The following GPR149 variants were observed in gnomAD, a reference collection of about 807,000 sequenced individuals.
GPR149 encodes the protein G protein-coupled receptor 149.
In GPR149, 50 loss-of-function variants were observed where a neutral mutation model predicts 50.2. That is an observed-to-expected ratio of 1.00 (90% CI 0.79 to 1.26). The LOEUF (loss-of-function observed/expected upper bound fraction) is 1.26. GPR149 is among the 50% of genes most tolerant of loss of function. The pLI, the probability that GPR149 is intolerant of heterozygous loss-of-function variation, is 0.00. For missense variants in GPR149, 983 were observed against 895.4 expected (o/e 1.10, Z -1.25); for synonymous variants, 405 against 358.2 (o/e 1.13, Z -1.48).
At chr3:154,408,222 G>T (rs1401138356) in intron 3 of GPR149, among the ~76,000 whole-genome samples, 2 of 152,210 alleles carry the variant, frequency 1.3e-5, no homozygotes, top group South Asian at 2.1e-4. Context: ...GGACTAGCTT[G>T]CAGCTCCCAC....
chr3:154,357,998 T>G (rs889907163), intron 3 of GPR149, among the ~76,000 whole-genome samples: 21 of 151,992 alleles, frequency 1.4e-4, no homozygotes, highest in South Asian at 2.1e-4. Context: ...TAGGGACATG[T>G]ATGAAGCTGG....
chr3:154,408,875 G>A (rs1474826565), intron 3 of GPR149, among the ~76,000 whole-genome samples: 1 of 152,230 alleles, frequency 6.6e-6, no homozygotes, highest in Non-Finnish European at 1.5e-5. Flanking sequence ...TAGGGCTGCA[G>A]CTGATGCACT....
At chr3:154,411,613 T>G (rs1013520022) in intron 3 of GPR149, among the ~76,000 whole-genome samples, 1 of 152,112 alleles carries the variant, frequency 6.6e-6, no homozygotes, top group African/African-American at 2.4e-5. Context: ...GATGAATAAA[T>G]TCCCTGAATT....
intron 3 of GPR149, among the ~76,000 whole-genome samples, chr3:154,386,514 G>T (rs1715047768): frequency 6.6e-6 from 1 of 152,144 alleles, no homozygotes; most frequent in Non-Finnish European, 1.5e-5. Flanking sequence ...AAAAACAGAA[G>T]ATCAGAGTTT....
At chr3:154,339,779 CTTTTTTT>C (rs71152802) in intron 3 of GPR149, among the ~76,000 whole-genome samples, 5 of 68,302 alleles carry the variant, frequency 7.3e-5, no homozygotes, top group Non-Finnish European at 1.2e-4. Context: ...TGCTCTACTT[CTTTTTTT>C]TTTTTTTTTT....
chr3:154,359,656 A>G (rs1714334847), intron 3 of GPR149, among the ~76,000 whole-genome samples: 1 of 152,198 alleles, frequency 6.6e-6, no homozygotes, highest in Admixed American at 6.5e-5. Context: ...TGGTTTCTCA[A>G]GCTGACTGAG....
At chr3:154,347,009 CCTT>C (rs748044661) in intron 3 of GPR149, among the ~76,000 whole-genome samples, 1 of 152,150 alleles carries the variant, frequency 6.6e-6, no homozygotes, top group Non-Finnish European at 1.5e-5. Flanking sequence ...CTTGTATCAA[CCTT>C]CTTCCTAAGC....
intron 3 of GPR149, among the ~76,000 whole-genome samples, chr3:154,364,957 G>A (rs1234962839): frequency 6.6e-6 from 1 of 152,142 alleles, no homozygotes; most frequent in Non-Finnish European, 1.5e-5. Context: ...GACCTGCTAG[G>A]CATTGCCCTG....
intron 3 of GPR149, among the ~76,000 whole-genome samples, chr3:154,414,422 C>T (rs186600869): frequency 5.9e-5 from 9 of 151,888 alleles, no homozygotes; most frequent in Admixed American, 5.9e-4. Flanking sequence ...AAAGAAGAAT[C>T]GTAGAAATAG....
chr3:154,428,017 A>G (rs1315056522), intron 1 of GPR149, among the ~76,000 whole-genome samples: 1 of 152,188 alleles, frequency 6.6e-6, no homozygotes. Flanking sequence ...GCGTCCGTGA[A>G]ACCCGCATCT....
At chr3:154,352,012 A>G (rs1464851042) in intron 3 of GPR149, 1 of 313,668 alleles carries the variant, frequency 3.2e-6, no homozygotes, top group East Asian at 5.4e-5. Context: ...TAAAAAAAAT[A>G]CGACCAACTT....
intron 3 of GPR149, among the ~76,000 whole-genome samples, chr3:154,416,975 A>G (rs1457986662): frequency 6.6e-6 from 1 of 151,966 alleles, no homozygotes; most frequent in Non-Finnish European, 1.5e-5. Flanking sequence ...CAAAACATTA[A>G]AAGGAAAGAA....
intron 2 of GPR149, among the ~76,000 whole-genome samples, chr3:154,421,768 T>G (rs2108429940): frequency 6.6e-6 from 1 of 151,978 alleles, no homozygotes; most frequent in Middle Eastern, 3.4e-3. Flanking sequence ...TAACAAAAAC[T>G]TAGCCATACA....
At chr3:154,348,475 A>G (rs1713985974) in intron 3 of GPR149, among the ~76,000 whole-genome samples, 4 of 152,150 alleles carry the variant, frequency 2.6e-5, no homozygotes, top group Admixed American at 2.6e-4. Context: ...CACATAAAAT[A>G]GATTTCAGAC....
chr3:154,416,565 A>T (rs554579143), intron 3 of GPR149, among the ~76,000 whole-genome samples: 1 of 151,866 alleles, frequency 6.6e-6, no homozygotes, highest in Non-Finnish European at 1.5e-5. Context: ...ATAATATTTT[A>T]AAAATACTAT....
At chr3:154,376,764 A>C (rs1396487145) in intron 3 of GPR149, among the ~76,000 whole-genome samples, 2 of 152,192 alleles carry the variant, frequency 1.3e-5, no homozygotes, top group East Asian at 1.9e-4. Context: ...CCTCTCTTGC[A>C]CTGCTCCTGA....
At chr3:154,342,472 G>A (rs904037547) in intron 3 of GPR149, among the ~76,000 whole-genome samples, 12 of 152,078 alleles carry the variant, frequency 7.9e-5, no homozygotes, top group Non-Finnish European at 1.3e-4. Flanking sequence ...TGGTACATGC[G>A]ATCTCAGATC....
intron 3 of GPR149, among the ~76,000 whole-genome samples, chr3:154,409,638 C>T (rs1403039182): frequency 2.6e-5 from 4 of 151,928 alleles, no homozygotes; most frequent in Non-Finnish European, 5.9e-5. Context: ...TACTTCAGAG[C>T]TCAAAGACAG....
chr3:154,341,418 T>TA (rs1037946707), intron 3 of GPR149, among the ~76,000 whole-genome samples: 1 of 146,042 alleles, frequency 6.8e-6, no homozygotes, highest in Admixed American at 7.0e-5. Context: ...AGAAGTAATC[T>TA]AAAAAAATTA....
Sources: gnomAD v4.1 joint callset for allele counts (sites outside exome capture counted in the v4.1 genomes callset) on GRCh38, gnomAD v4.1.1 for gene constraint, MANE v1.5 for transcripts, NCBI Gene and HGNC (gene_info 2026-07-23, HGNC 2026-07-21) for gene names.